Variants in MBNL3 observed in about 807,000 individuals in gnomAD.
The protein encoded by MBNL3 is muscleblind-like protein 3.
In MBNL3, 6 loss-of-function variants were observed where a neutral mutation model predicts 24.5. That is an observed-to-expected ratio of 0.25 (90% confidence interval 0.13 to 0.48). MBNL3 has a LOEUF of 0.48. Ranked by LOEUF, MBNL3 falls within the 20% of genes least tolerant of loss-of-function variation. The probability of loss-of-function intolerance (pLI) is 0.99; values close to 1 mark genes in which losing one functional copy is unlikely to be tolerated. For missense variants in MBNL3, 230 were observed against 293.5 expected (o/e 0.78, Z 1.58); for synonymous variants, 100 against 101.7 (o/e 0.98, Z 0.10).
At chrX:132,410,702 A>G (rs1237333542) in intron 2 of MBNL3, among the ~76,000 whole-genome samples, 2 of 112,443 alleles carry the variant, frequency 1.8e-5, no homozygotes, top group Non-Finnish European at 3.8e-5. Flanking sequence ...ATAGTGCCCC[A>G]CTGTAACATA....
intron 1 of MBNL3, among the ~76,000 whole-genome samples, chrX:132,445,934 A>G (rs922480972): frequency 4.5e-5 from 5 of 111,055 alleles, no homozygotes; most frequent in African/African-American, 1.3e-4. Flanking sequence ...TCCTAATGCT[A>G]TCCCTCCCTT....
At chrX:132,433,585 G>T (rs890382434) in intron 2 of MBNL3, among the ~76,000 whole-genome samples, 3 of 112,343 alleles carry the variant, frequency 2.7e-5, no homozygotes, top group African/African-American at 6.5e-5. Flanking sequence ...GGAGTTATTT[G>T]TCTTCGTGGA....
At chrX:132,382,028 C>A in intron 8 of MBNL3, 150 bp downstream of exon 8, 1 of 466,767 alleles carries the variant, frequency 2.1e-6, no homozygotes, top group Non-Finnish European at 3.6e-6. Context: ...GCACATATAG[C>A]ATTCTAGAAT....
intron 2 of MBNL3, among the ~76,000 whole-genome samples, chrX:132,425,611 A>C (rs1409243939): frequency 9.0e-6 from 1 of 111,610 alleles, no homozygotes; most frequent in Non-Finnish European, 1.9e-5. Context: ...CTTTTTCCAC[A>C]AAATCCCTTT....
chrX:132,390,452 G>A (rs1937013102), intron 5 of MBNL3, among the ~76,000 whole-genome samples: 1 of 109,705 alleles, frequency 9.1e-6, no homozygotes, highest in Admixed American at 9.8e-5. Flanking sequence ...GTTTTTGAAA[G>A]GCATTAAGGA....
chrX:132,421,809 T>TA (rs766907078), intron 2 of MBNL3, among the ~76,000 whole-genome samples: 9 of 111,738 alleles, frequency 8.1e-5, no homozygotes, highest in South Asian at 7.5e-4. Flanking sequence ...TGGGTACTGT[T>TA]ATATTTTACT....
At chrX:132,458,576 A>G (rs760168501) in intron 1 of MBNL3, among the ~76,000 whole-genome samples, 2 of 111,368 alleles carry the variant, frequency 1.8e-5, no homozygotes, top group Non-Finnish European at 3.8e-5. Flanking sequence ...AAAGGGGGAC[A>G]AAGTGGTTGG....
intron 1 of MBNL3, among the ~76,000 whole-genome samples, chrX:132,465,642 T>C (rs1471264445): frequency 8.9e-6 from 1 of 112,242 alleles, no homozygotes; most frequent in Non-Finnish European, 1.9e-5. Context: ...ATATATGATA[T>C]TGATGACAGA....
At chrX:132,436,953 A>G (rs1227521181) in intron 2 of MBNL3, among the ~76,000 whole-genome samples, 1 of 112,132 alleles carries the variant, frequency 8.9e-6, no homozygotes, top group Admixed American at 9.5e-5. Context: ...TACTTTAAAA[A>G]CACTAGATAC....
chrX:132,489,845 G>A (rs1442629910), upstream of MBNL3: 5 of 111,038 alleles, frequency 4.5e-5, no homozygotes, highest in Non-Finnish European at 7.6e-5. Context: ...GGACGGGCGG[G>A]AATGCGGCCA....
At chrX:132,478,213 G>A (rs1947545746) in intron 1 of MBNL3, among the ~76,000 whole-genome samples, 1 of 64,932 alleles carries the variant, frequency 1.5e-5, no homozygotes, top group South Asian at 6.4e-4. Context: ...TGTTGTCGTT[G>A]TTAAACATCC....
chrX:132,405,119 A>G (rs939010214), intron 3 of MBNL3, among the ~76,000 whole-genome samples: 2 of 112,332 alleles, frequency 1.8e-5, no homozygotes, highest in Admixed American at 1.9e-4. Context: ...GATATAGCTT[A>G]ATTACTTTAT....
intron 1 of MBNL3, among the ~76,000 whole-genome samples, chrX:132,460,498 T>C (rs1360566910): frequency 9.0e-6 from 1 of 111,542 alleles, no homozygotes; most frequent in African/African-American, 3.3e-5. Context: ...TATAAAATGG[T>C]GGCAGTAATA....
intron 1 of MBNL3, among the ~76,000 whole-genome samples, chrX:132,477,321 CAG>C (rs1947494078): frequency 8.9e-6 from 1 of 112,049 alleles, no homozygotes; most frequent in African/African-American, 3.2e-5. Flanking sequence ...CTCACAATGA[CAG>C]AGTTTAGTCA....
chrX:132,396,430 CTATATATATTCATATATATTCCTA>C (rs1569423683), intron 3 of MBNL3, among the ~76,000 whole-genome samples: 17 of 73,920 alleles, frequency 2.3e-4, no homozygotes, highest in Non-Finnish European at 2.9e-4. Flanking sequence ...ATATATATTC[CTATATATATTCATATATATTCCTA>C]TATATATATT....
intron 4 of MBNL3, among the ~76,000 whole-genome samples, chrX:132,391,361 A>G (rs897164167): frequency 8.9e-6 from 1 of 112,217 alleles, no homozygotes; most frequent in Admixed American, 9.5e-5. Context: ...ACTGAAAACC[A>G]GTTTTAATTC....
chrX:132,396,371 C>CAT (rs1556294527), intron 3 of MBNL3, among the ~76,000 whole-genome samples: 2 of 82,784 alleles, frequency 2.4e-5, no homozygotes, highest in African/African-American at 9.5e-5. Flanking sequence ...TATATATATT[C>CAT]ATATATATTC....
At chrX:132,406,479 G>T in intron 2 of MBNL3, 87 bp from the exon 3 acceptor site, 1 of 850,248 alleles carries the variant, frequency 1.2e-6, no homozygotes, top group Non-Finnish European at 1.6e-6. Context: ...GACAATCTAA[G>T]CTCCAAAACT....
chrX:132,413,990 T>TA (rs1239922515), intron 2 of MBNL3, among the ~76,000 whole-genome samples: 1 of 112,185 alleles, frequency 8.9e-6, no homozygotes. Context: ...AGTCAATCAT[T>TA]AAAGTGCAGG....
Sources: allele counts gnomAD v4.1 joint callset (sites outside exome capture counted in the v4.1 genomes callset), GRCh38; gene constraint gnomAD v4.1.1; transcripts MANE v1.5; gene names NCBI Gene and HGNC (gene_info 2026-07-23, HGNC 2026-07-21).